GRID2: variants seen among roughly 807,000 people sequenced by gnomAD.
GRID2 encodes glutamate ionotropic receptor delta type subunit 2.
GRID2 carries 33 observed loss-of-function variants against 114.8 expected under a neutral mutation model. The ratio of observed to expected loss-of-function variants is 0.29; its 90% confidence interval spans 0.22 to 0.38. The LOEUF (loss-of-function observed/expected upper bound fraction) is 0.38. GRID2 is among the 10% of genes least tolerant of loss of function. The probability of loss-of-function intolerance (pLI) is 1.00; values close to 1 mark genes in which losing one functional copy is unlikely to be tolerated. For missense variants in GRID2, 1,184 were observed against 1,257.7 expected, an observed-to-expected ratio of 0.94 and a Z score of 0.89; for synonymous variants, 505 against 449.9, an observed-to-expected ratio of 1.12 and a Z score of -1.55.
At chr4:92,462,459 CT>C (rs1721546087) in intron 1 of GRID2, among the ~76,000 whole-genome samples, 1 of 151,858 alleles carries the variant, frequency 6.6e-6, no homozygotes, top group African/African-American at 2.4e-5. Flanking sequence ...TCCAGTGGCT[CT>C]TTGCTGGAAG....
intron 2 of GRID2, among the ~76,000 whole-genome samples, chr4:93,073,768 A>G (rs1038269709): frequency 5.3e-5 from 8 of 152,312 alleles, no homozygotes; most frequent in Non-Finnish European, 8.8e-5. Context: ...TCTTTCACAG[A>G]TATAAGCCAA....
chr4:92,323,173 C>A (rs573859353), intron 1 of GRID2, among the ~76,000 whole-genome samples: 5 of 152,000 alleles, frequency 3.3e-5, no homozygotes, highest in African/African-American at 4.8e-5. Context: ...GAGGAGAAAT[C>A]ATCAAGTAAC....
intron 2 of GRID2, among the ~76,000 whole-genome samples, chr4:92,888,597 C>T (rs1297065040): frequency 6.6e-6 from 1 of 151,964 alleles, no homozygotes; most frequent in East Asian, 1.9e-4. Context: ...TAATTTTACA[C>T]ACCATATAAT....
intron 8 of GRID2, among the ~76,000 whole-genome samples, chr4:93,330,188 A>G (rs1758283368): frequency 6.6e-6 from 1 of 152,180 alleles, no homozygotes; most frequent in Admixed American, 6.5e-5. Context: ...GGCTTGAAAT[A>G]TCATTTAAAA....
intron 14 of GRID2, among the ~76,000 whole-genome samples, chr4:93,759,719 A>G (rs777134360): frequency 1.3e-5 from 2 of 152,280 alleles, no homozygotes; most frequent in Middle Eastern, 6.8e-3. Context: ...CTGACCTTTA[A>G]TCACAAAGCG....
intron 14 of GRID2, among the ~76,000 whole-genome samples, chr4:93,764,776 A>AT (rs1383472207): frequency 6.6e-6 from 1 of 152,208 alleles, no homozygotes; most frequent in African/African-American, 2.4e-5. Context: ...AATCCCATAG[A>AT]TTAACAATAA....
intron 13 of GRID2, among the ~76,000 whole-genome samples, chr4:93,540,150 G>A (rs1212166596): frequency 1.3e-5 from 2 of 151,626 alleles, no homozygotes; most frequent in Non-Finnish European, 2.9e-5. Flanking sequence ...TGTTTTTCAT[G>A]TCTACTAGCA....
chr4:92,758,712 G>C (rs992105599), intron 2 of GRID2, among the ~76,000 whole-genome samples: 46 of 152,100 alleles, frequency 3.0e-4, no homozygotes, highest in African/African-American at 8.2e-4. Context: ...TCTGGTGCTT[G>C]ATAAATAGCA....
In GRID2 at chr4:93,180,514, C is replaced by G. The variant is rs570682640; in HGVS notation, c.736-26890C>G. On this transcript the variant is annotated intron_variant, in intron 4 of 15. Transcript: ENST00000282020. ...AAAGAAAACAGTGAAGTTTGTCATACCAATCACCTCTTCCTTTCACAAAAG... is the reference window on the plus strand; with the variant it reads ...AAAGAAAACAGTGAAGTTTGTCATAGCAATCACCTCTTCCTTTCACAAAAG... Among the ~76,000 whole-genome samples, 11 of 152,154 alleles carry G rather than the reference C, an allele frequency of 7.2e-5. No homozygotes were observed. In the East Asian group the frequency reaches 2.1e-3, roughly 29 times the overall value.
chr4:92,921,479 T>TA (rs1248308291), intron 2 of GRID2, among the ~76,000 whole-genome samples: 10 of 152,206 alleles, frequency 6.6e-5, no homozygotes, highest in Middle Eastern at 3.2e-3. Flanking sequence ...TTTGTGGTTT[T>TA]ATCTACCTTT....
chr4:93,209,163 TG>T (rs753751487), intron 5 of GRID2, among the ~76,000 whole-genome samples: 3 of 151,934 alleles, frequency 2.0e-5, no homozygotes, highest in Non-Finnish European at 2.9e-5. Flanking sequence ...ACTCGTGTCA[TG>T]GGGGTTTATT....
intron 8 of GRID2, among the ~76,000 whole-genome samples, chr4:93,376,811 G>A (rs1375190312): frequency 6.6e-6 from 1 of 152,146 alleles, no homozygotes; most frequent in African/African-American, 2.4e-5. Context: ...ACACACTGGG[G>A]CCTTCCCCGG....
intron 2 of GRID2, among the ~76,000 whole-genome samples, chr4:93,076,167 G>C (rs1465606599): frequency 6.6e-6 from 1 of 151,922 alleles, no homozygotes; most frequent in Non-Finnish European, 1.5e-5. Context: ...CAAAGTGCTG[G>C]GATTACAGGC....
intron 13 of GRID2, among the ~76,000 whole-genome samples, chr4:93,570,293 C>T (rs532652752): frequency 6.6e-6 from 1 of 152,234 alleles, no homozygotes; most frequent in East Asian, 1.9e-4. Context: ...GAACTCTGAT[C>T]AAATTCAGCC....
At chr4:92,608,975 TTTG>T (rs1361615051) in intron 2 of GRID2, among the ~76,000 whole-genome samples, 1 of 151,764 alleles carries the variant, frequency 6.6e-6, no homozygotes, top group Non-Finnish European at 1.5e-5. Context: ...GCTTCAAAAA[TTTG>T]TTGTTTAGCA....
At chr4:92,774,289 A>T (rs1478570915) in intron 2 of GRID2, among the ~76,000 whole-genome samples, 2 of 152,138 alleles carry the variant, frequency 1.3e-5, no homozygotes, top group Non-Finnish European at 2.9e-5. Flanking sequence ...GATGCTCCAC[A>T]AAATGTCAAC....
intron 2 of GRID2, among the ~76,000 whole-genome samples, chr4:92,738,044 T>C (rs1736687193): frequency 6.6e-6 from 1 of 152,162 alleles, no homozygotes; most frequent in Non-Finnish European, 1.5e-5. Context: ...GGCCAAGTTT[T>C]TTGCACATAT....
intron 8 of GRID2, among the ~76,000 whole-genome samples, chr4:93,343,449 G>A (rs115438675): frequency 7.9e-5 from 12 of 152,022 alleles, no homozygotes; most frequent in Non-Finnish European, 1.2e-4. Flanking sequence ...TCAACTGTAC[G>A]CTTCATAAGA....
intron 1 of GRID2, among the ~76,000 whole-genome samples, chr4:93,803,385 C>T (rs995012816): frequency 6.6e-6 from 1 of 152,132 alleles, no homozygotes; most frequent in African/African-American, 2.4e-5. Flanking sequence ...AGTACCAATT[C>T]TGAATGTTGC....
Sources: gnomAD v4.1 joint callset for allele counts (sites outside exome capture counted in the v4.1 genomes callset) on GRCh38, gnomAD v4.1.1 for gene constraint, MANE v1.5 for transcripts, NCBI Gene and HGNC (gene_info 2026-07-23, HGNC 2026-07-21) for gene names.